Variants in MAGI3 observed in about 807,000 individuals in gnomAD.
The protein encoded by MAGI3 is membrane associated guanylate kinase, WW and PDZ domain containing 3, also known as membrane-associated guanylate kinase, WW and PDZ domain-containing protein 3.
MAGI3 carries 43 observed loss-of-function variants against 121.8 expected under a neutral mutation model. The observed-to-expected ratio is 0.35, with a 90% confidence interval of 0.28 to 0.46. The LOEUF (loss-of-function observed/expected upper bound fraction) is 0.46. Ranked by LOEUF, MAGI3 falls within the 20% of genes least tolerant of loss-of-function variation. The probability of loss-of-function intolerance (pLI) is 1.00; values close to 1 mark genes in which losing one functional copy is unlikely to be tolerated. For missense variants in MAGI3, 1,547 were observed against 1,797.3 expected, an observed-to-expected ratio of 0.86 and a Z score of 2.52; for synonymous variants, 553 against 639.3, an observed-to-expected ratio of 0.86 and a Z score of 2.04.
intron 1 of MAGI3, among the ~76,000 whole-genome samples, chr1:113,503,179 T>G (rs1657108393): frequency 5.7e-5 from 4 of 70,706 alleles, no homozygotes; most frequent in Non-Finnish European, 9.3e-5. Context: ...GTAACTAACC[T>G]GCACAATGTG....
At chr1:113,547,079 T>TC (rs1425208890) in intron 1 of MAGI3, among the ~76,000 whole-genome samples, 122 of 129,370 alleles carry the variant, frequency 9.4e-4, no homozygotes, top group African/African-American at 3.2e-3. Context: ...TGAGACTCCA[T>TC]CTAAAAAAAA....
Position 113,672,871 on chromosome 1 carries a change from T to G in MAGI3, c.3045+130T>G, listed in dbSNP as rs541287680. 5 of 1,210,356 alleles carry G rather than the reference T, an allele frequency of 4.1e-6. No homozygotes were observed. In the African/African-American group the frequency reaches 7.7e-5, roughly 19 times the overall value. 75.0% of individuals were successfully genotyped at this position (1,210,356 alleles called of 1,614,324 possible). On this transcript the variant is annotated intron_variant, in intron 18 of 20. Transcript: ENST00000307546. Reference sequence around the variant, plus strand: ...ACTAATAATTCTCGAAGACCTGCCATGTGTTTGGCATTCTGCTGGCATTCA... The same window carrying G: ...ACTAATAATTCTCGAAGACCTGCCAGGTGTTTGGCATTCTGCTGGCATTCA...
chr1:113,479,889 G>A (rs1429379139), intron 1 of MAGI3, among the ~76,000 whole-genome samples: 1 of 151,574 alleles, frequency 6.6e-6, no homozygotes, highest in Non-Finnish European at 1.5e-5. Flanking sequence ...GCTCTCTATG[G>A]AATTTTTCAG....
intron 4 of MAGI3, among the ~76,000 whole-genome samples, chr1:113,589,851 G>T (rs548608267): frequency 8.7e-4 from 133 of 152,096 alleles, no homozygotes; most frequent in African/African-American, 3.1e-3. Context: ...GACTCTAAAA[G>T]GATTTTAATA....
At chr1:113,571,333 TC>T (rs1345474817) in intron 2 of MAGI3, among the ~76,000 whole-genome samples, 5 of 152,220 alleles carry the variant, frequency 3.3e-5, no homozygotes, top group Non-Finnish European at 7.3e-5. Context: ...GTGTGACGCC[TC>T]CAGCTTTGTT....
At chr1:113,564,886 G>A (rs1345157208) in intron 2 of MAGI3, among the ~76,000 whole-genome samples, 1 of 151,708 alleles carries the variant, frequency 6.6e-6, no homozygotes, top group African/African-American at 2.4e-5. Context: ...GTCTTGCTCT[G>A]TTGCCCAGGC....
At chr1:113,614,563 T>G in intron 6 of MAGI3, 38 bp from the exon 7 acceptor site, 1 of 1,474,660 alleles carries the variant, frequency 6.8e-7, no homozygotes, top group South Asian at 1.2e-5. Flanking sequence ...TCTGTCAGTT[T>G]TGAATCTGGC....
At chr1:113,551,233 GA>G in intron 2 of MAGI3, among the ~76,000 whole-genome samples, 1 of 152,214 alleles carries the variant, frequency 6.6e-6, no homozygotes. Context: ...TTTAAAATGA[GA>G]GCATATATGT....
At chr1:113,557,776 A>AG (rs911813900) in intron 2 of MAGI3, among the ~76,000 whole-genome samples, 1 of 152,192 alleles carries the variant, frequency 6.6e-6, no homozygotes, top group Non-Finnish European at 1.5e-5. Flanking sequence ...TCCTTACTGG[A>AG]GTATCCAGCC....
intron 5 of MAGI3, among the ~76,000 whole-genome samples, chr1:113,591,864 A>G (rs1343304296): frequency 6.6e-6 from 1 of 152,192 alleles, no homozygotes; most frequent in Non-Finnish European, 1.5e-5. Flanking sequence ...CACCCTGCAA[A>G]CAGGGCTAAG....
At chr1:113,456,053 C>G (rs956024695) in intron 1 of MAGI3, among the ~76,000 whole-genome samples, 5 of 151,628 alleles carry the variant, frequency 3.3e-5, no homozygotes, top group Admixed American at 6.6e-5. Context: ...CGGGTTCACG[C>G]CATTCTCCTG....
At chr1:113,578,999 A>G (rs897531344) in intron 2 of MAGI3, among the ~76,000 whole-genome samples, 6 of 152,298 alleles carry the variant, frequency 3.9e-5, no homozygotes, top group African/African-American at 1.4e-4. Flanking sequence ...ATAGAATGTA[A>G]TGTGACTAAA....
intron 1 of MAGI3, among the ~76,000 whole-genome samples, chr1:113,488,625 G>C (rs1200960862): frequency 6.6e-6 from 1 of 152,192 alleles, no homozygotes; most frequent in Non-Finnish European, 1.5e-5. Context: ...TACTCAGCTG[G>C]CATGTATCTG....
intron 1 of MAGI3, among the ~76,000 whole-genome samples, chr1:113,425,713 C>G (rs1258570472): frequency 1.3e-5 from 2 of 151,888 alleles, no homozygotes; most frequent in Admixed American, 6.6e-5. Context: ...TCATAATATT[C>G]CTTTATTATC....
chr1:113,526,082 CA>C (rs1408685929), intron 1 of MAGI3, among the ~76,000 whole-genome samples: 2 of 151,990 alleles, frequency 1.3e-5, no homozygotes, highest in African/African-American at 2.4e-5. Context: ...AAAATTAGAC[CA>C]AAAAAGTTGT....
At chr1:113,427,557 T>C (rs1653074179) in intron 1 of MAGI3, among the ~76,000 whole-genome samples, 1 of 152,222 alleles carries the variant, frequency 6.6e-6, no homozygotes, top group South Asian at 2.1e-4. Flanking sequence ...ATGCTGAGAC[T>C]GGCTGTCTTT....
At position 113,683,684 on chromosome 1, in the gene MAGI3, T is replaced by C. The variant is rs1415358692; in HGVS notation, c.4116T>C (p.Asn1372=). Residue 1372 remains asparagine (N), a synonymous_variant, in exon 21 of 21, where the codon AAT becomes AAC. Transcript: ENST00000307546. The part of the protein sequence containing the change: ...VEKSLPSKMT[N]KTTSKEVSEN... ...AATCTCTTCCATCCAAAATGACTAA[T>C]AAGACTACAAGTAAAGAAGTATCTG... The C allele has an allele frequency of 3.1e-6, 5 of 1,604,348 alleles. No individual in the cohort carries two copies. The highest frequency in any genetic ancestry group is 3.4e-6 in the Non-Finnish European group (4 of 1,175,470).
At chr1:113,457,432 A>T (rs1391385615) in intron 1 of MAGI3, among the ~76,000 whole-genome samples, 1 of 152,216 alleles carries the variant, frequency 6.6e-6, no homozygotes. Flanking sequence ...ACAGGTTGAT[A>T]AGCAGACATT....
intron 2 of MAGI3, among the ~76,000 whole-genome samples, chr1:113,573,039 C>A (rs567970146): frequency 3.9e-4 from 60 of 152,202 alleles, no homozygotes; most frequent in African/African-American, 1.4e-3. Context: ...CATTCTCCTG[C>A]CTCAGCCTCC....
Sources: gnomAD v4.1 joint callset for allele counts (sites outside exome capture counted in the v4.1 genomes callset) on GRCh38, gnomAD v4.1.1 for gene constraint, MANE v1.5 for transcripts, NCBI Gene and HGNC (gene_info 2026-07-23, HGNC 2026-07-21) for gene names.